Variants in IGFL2 observed in about 807,000 individuals in gnomAD.
IGFL2 encodes insulin growth factor-like family member 2.
IGFL2 carries 7 observed loss-of-function variants against 13.9 expected under a neutral mutation model. The observed-to-expected ratio is 0.51, with a 90% confidence interval of 0.29 to 0.95. The LOEUF is 0.95. Ranked by LOEUF, IGFL2 falls within the 40% of genes least tolerant of loss-of-function variation. The probability of loss-of-function intolerance (pLI) is 0.08; values close to 1 mark genes in which losing one functional copy is unlikely to be tolerated. For missense variants in IGFL2, 138 were observed against 147.8 expected, an observed-to-expected ratio of 0.93 and a Z score of 0.34; for synonymous variants, 55 against 55.8, an observed-to-expected ratio of 0.99 and a Z score of 0.07.
At chr19:46,102,194 T>A in the IGFL2 span, among the ~76,000 whole-genome samples, 2 of 152,140 alleles carry the variant, frequency 1.3e-5, no homozygotes, top group African/African-American at 4.8e-5. Context: ...TTTCTGTAGC[T>A]AATTTCATGC....
the IGFL2 span, among the ~76,000 whole-genome samples, chr19:46,107,731 T>A: frequency 7.9e-5 from 12 of 152,170 alleles, no homozygotes; most frequent in South Asian, 1.4e-3. Context: ...AGGGCCGGAA[T>A]CTAATTTTTG....
chr19:46,136,506 A>G, the IGFL2 span, among the ~76,000 whole-genome samples: 1 of 152,202 alleles, frequency 6.6e-6, no homozygotes, highest in Non-Finnish European at 1.5e-5. Flanking sequence ...GCCATCTCAC[A>G]TTATGAATAA....
the IGFL2 span, among the ~76,000 whole-genome samples, chr19:46,085,906 A>G: frequency 2.6e-5 from 4 of 152,238 alleles, no homozygotes; most frequent in African/African-American, 9.6e-5. Flanking sequence ...CAAAGAAACC[A>G]TACAGGAACA....
At chr19:46,123,845 T>A in the IGFL2 span, 1 of 1,562,386 alleles carries the variant, frequency 6.4e-7, no homozygotes, top group Non-Finnish European at 8.7e-7. Context: ...CCCTCATCCC[T>A]CCCTCATTCC....
chr19:46,141,895 T>A (rs1489567871), upstream of IGFL2, among the ~76,000 whole-genome samples: 1 of 152,226 alleles, frequency 6.6e-6, no homozygotes, highest in Non-Finnish European at 1.5e-5. Flanking sequence ...ACAAAACTTC[T>A]GTTTTTGAAA....
At chr19:46,173,628 G>T in the IGFL2 span, 1 of 152,206 alleles carries the variant, frequency 6.6e-6, no homozygotes, top group Non-Finnish European at 1.5e-5. Flanking sequence ...AAGTAACAGG[G>T]TGAGAACTCA....
downstream of IGFL2, among the ~76,000 whole-genome samples, chr19:46,162,849 C>T (rs956636114): frequency 2.6e-5 from 4 of 152,234 alleles, no homozygotes; most frequent in Non-Finnish European, 4.4e-5. Context: ...CTAGTGTGGT[C>T]GTTTGGAGGA....
chr19:46,080,487 A>G, the IGFL2 span, among the ~76,000 whole-genome samples: 35 of 152,376 alleles, frequency 2.3e-4, no homozygotes, highest in Middle Eastern at 3.4e-3. Flanking sequence ...GTTCATGGGA[A>G]TGATTCTATT....
chr19:46,189,987 T>G, the IGFL2 span: 1 of 152,074 alleles, frequency 6.6e-6, no homozygotes, highest in Non-Finnish European at 1.5e-5. Context: ...ATCTGAGTAA[T>G]AAATTTGTGA....
chr19:46,163,321 G>T (rs1974247361), downstream of IGFL2, among the ~76,000 whole-genome samples: 1 of 152,214 alleles, frequency 6.6e-6, no homozygotes, highest in African/African-American at 2.4e-5. Flanking sequence ...AGCAGAGGAA[G>T]GGATCTTATT....
At chr19:46,140,039 T>A (rs1046424413), upstream of IGFL2, among the ~76,000 whole-genome samples, 3 of 152,104 alleles carry the variant, frequency 2.0e-5, no homozygotes, top group Non-Finnish European at 2.9e-5. Flanking sequence ...AACCTCCACC[T>A]CCTGGGTTCA....
the IGFL2 span, among the ~76,000 whole-genome samples, chr19:46,181,847 G>C: frequency 6.6e-6 from 1 of 152,118 alleles, no homozygotes; most frequent in Admixed American, 6.5e-5. Flanking sequence ...CTGGGCAGTG[G>C]GCAAGGTGAA....
the IGFL2 span, among the ~76,000 whole-genome samples, chr19:46,106,963 G>A: frequency 6.6e-6 from 1 of 152,110 alleles, no homozygotes; most frequent in Non-Finnish European, 1.5e-5. Flanking sequence ...GGGTGGCAGT[G>A]AGGTGTGGCT....
At chr19:46,200,619 G>A in the IGFL2 span, among the ~76,000 whole-genome samples, 6 of 151,522 alleles carry the variant, frequency 4.0e-5, no homozygotes, top group African/African-American at 9.7e-5. Context: ...GAGCTCAAGC[G>A]TTCCTCCTGC....
At chr19:46,080,274 C>CT in the IGFL2 span, among the ~76,000 whole-genome samples, 1 of 152,178 alleles carries the variant, frequency 6.6e-6, no homozygotes, top group Non-Finnish European at 1.5e-5. Context: ...TGGCTCCTGC[C>CT]TGTAATTCCA....
chr19:46,080,152 G>A, the IGFL2 span, among the ~76,000 whole-genome samples: 6 of 152,266 alleles, frequency 3.9e-5, no homozygotes, highest in South Asian at 1.0e-3. Flanking sequence ...AATGAGTCAC[G>A]GGCAGATATT....
the IGFL2 span, among the ~76,000 whole-genome samples, chr19:46,103,174 C>T: frequency 6.6e-6 from 1 of 152,118 alleles, no homozygotes; most frequent in African/African-American, 2.4e-5. Flanking sequence ...TGGGCTCAAT[C>T]CTTGAGTTTT....
At chr19:46,139,266 G>A (rs936944828), upstream of IGFL2, among the ~76,000 whole-genome samples, 11 of 150,570 alleles carry the variant, frequency 7.3e-5, no homozygotes. Context: ...CTTCTTGATG[G>A]TCAGTCCCTT....
the IGFL2 span, among the ~76,000 whole-genome samples, chr19:46,179,930 C>T: frequency 6.6e-6 from 1 of 151,798 alleles, no homozygotes; most frequent in Admixed American, 6.6e-5. Context: ...AAAGCAAAAA[C>T]AAAAAAACAT....
Sources: gnomAD v4.1 joint callset for allele counts (sites outside exome capture counted in the v4.1 genomes callset) on GRCh38, gnomAD v4.1.1 for gene constraint, MANE v1.5 for transcripts, NCBI Gene and HGNC (gene_info 2026-07-23, HGNC 2026-07-21) for gene names.